FAS: variants seen among roughly 807,000 people sequenced by gnomAD.
The protein encoded by FAS is tumor necrosis factor receptor superfamily member 6.
In FAS, 5 loss-of-function variants were observed where a neutral mutation model predicts 33.2. That is an observed-to-expected ratio of 0.15 (90% CI 0.08 to 0.32). The LOEUF (loss-of-function observed/expected upper bound fraction) is 0.32, where lower values mean the gene tolerates loss of function less well. FAS is among the 10% of genes least tolerant of loss of function. The pLI is 1.00. For missense variants in FAS, 339 were observed against 386.0 expected (o/e 0.88, Z 1.02); for synonymous variants, 131 against 130.7 (o/e 1.00, Z -0.01).
In FAS at chr10:88,990,946, T is replaced by C. The variant is rs371701570; in HGVS notation, c.30+40T>C. The C allele has an allele frequency of 4.5e-5, 73 of 1,613,854 alleles. No homozygotes were observed. Among genetic ancestry groups the C allele is most frequent in the Non-Finnish European group, 5.9e-5 (70 of 1,179,884 alleles). ...GCCCGGGTGGAGGCTTACCCCGTCT[T>C]AGTCCCGGGGATAGGCAAAGTGGGG... is the stretch of plus-strand genomic sequence containing the variant. On this transcript the variant is annotated intron_variant, in intron 1 of 8. Coordinates refer to ENST00000652046, the MANE Select transcript of FAS (RefSeq NM_000043.6). This position sits in a 1 kb window ranked among gnomAD's most constrained non-coding sequence, Gnocchi z 4.9.
intron 2 of FAS, among the ~76,000 whole-genome samples, chr10:88,977,605 T>G (rs1425614347): frequency 6.8e-6 from 1 of 147,416 alleles, no homozygotes; most frequent in East Asian, 2.0e-4. Context: ...AACAGACACT[T>G]CTCAAAAGAA....
chr10:88,969,576 CT>C (rs914385695), intron 1 of FAS, among the ~76,000 whole-genome samples: 14 of 148,996 alleles, frequency 9.4e-5, no homozygotes, highest in Admixed American at 5.4e-4. Flanking sequence ...ATCAAGATCA[CT>C]TTTTTTTTTG....
At chr10:89,007,668 T>A in intron 2 of FAS, 32 bp from the exon 3 acceptor site, 1 of 1,612,488 alleles carries the variant, frequency 6.2e-7, no homozygotes, top group Non-Finnish European at 8.5e-7. Context: ...CCGTGTCCTG[T>A]TCAAACACTT....
chr10:88,968,394 C>T (rs1015093885), intron 1 of FAS, among the ~76,000 whole-genome samples: 23 of 104,468 alleles, frequency 2.2e-4, no homozygotes, highest in Admixed American at 7.8e-4. Context: ...GGGTTTAAAA[C>T]TCATAATGGA....
intron 1 of FAS, among the ~76,000 whole-genome samples, chr10:89,000,546 G>T (rs1191407128): frequency 6.6e-6 from 1 of 152,178 alleles, no homozygotes; most frequent in Non-Finnish European, 1.5e-5. Flanking sequence ...ATTTCTGTGT[G>T]TTAAAAGATA....
chr10:88,990,990 G>C lies in FAS; in HGVS notation c.30+84G>C. On this transcript the variant is annotated intron_variant, in intron 1 of 8. Coordinates refer to ENST00000652046, the MANE Select transcript of FAS (RefSeq NM_000043.6). This position sits in a 1 kb window ranked among gnomAD's most constrained non-coding sequence, Gnocchi z 4.9. Reference sequence around the variant, plus strand: ...AGTGGGGCGGGCGCGGGACGCGTGCGGGATTGCGGCGGCAGCGGCGCACGC... The same window carrying C: ...AGTGGGGCGGGCGCGGGACGCGTGCCGGATTGCGGCGGCAGCGGCGCACGC... 2 of 1,596,086 alleles carry C rather than the reference G, an allele frequency of 1.3e-6. No individual in the cohort carries two copies. The highest frequency in any genetic ancestry group is 1.7e-6 in the Non-Finnish European group (2 of 1,165,530).
intron 2 of FAS, among the ~76,000 whole-genome samples, chr10:89,004,708 T>C (rs1007436827): frequency 5.3e-5 from 8 of 152,204 alleles, no homozygotes; most frequent in Non-Finnish European, 1.0e-4. Context: ...TGTTTTCTGA[T>C]ATATTTCTAA....
chr10:88,980,409 G>A (rs1846682374), intron 2 of FAS, among the ~76,000 whole-genome samples: 2 of 152,128 alleles, frequency 1.3e-5, no homozygotes, highest in South Asian at 2.1e-4. Flanking sequence ...CAACAGCCAG[G>A]GATAAATAAG....
chr10:89,005,072 G>T (rs990669419), intron 2 of FAS, among the ~76,000 whole-genome samples: 5 of 151,646 alleles, frequency 3.3e-5, no homozygotes, highest in Middle Eastern at 3.2e-3. Context: ...GATGAATTTT[G>T]TGAGGGAAAA....
upstream of FAS, among the ~76,000 whole-genome samples, chr10:88,983,609 C>CAAAAAAAAAAAAAAAAAAAA (rs71022549): frequency 2.2e-5 from 1 of 46,430 alleles, no homozygotes; most frequent in Non-Finnish European, 3.6e-5. Context: ...ACAGGTTATG[C>CAAAAAAAAAAAAAAAAAAAA]AAAAAAAAAA....
intron 7 of FAS, 145 bp from the exon 8 acceptor site, chr10:89,013,198 C>A: frequency 2.7e-6 from 2 of 727,380 alleles, no homozygotes; most frequent in Non-Finnish European, 4.4e-6. Context: ...CCTTCTTAAT[C>A]ACTTAATCTA....
upstream of FAS, among the ~76,000 whole-genome samples, chr10:88,984,052 C>G (rs1346207332): frequency 2.0e-5 from 3 of 152,152 alleles, no homozygotes; most frequent in Non-Finnish European, 4.4e-5. Context: ...CCTCTTCCTA[C>G]CTCAGGTGAG....
At chr10:88,979,890 G>T (rs2133345171) in intron 2 of FAS, among the ~76,000 whole-genome samples, 1 of 151,464 alleles carries the variant, frequency 6.6e-6, no homozygotes, top group Middle Eastern at 3.4e-3. Context: ...ACCTACAAAG[G>T]CTTTGGGGTA....
At position 89,014,645 on chromosome 10, in the gene FAS, A is replaced by C. The variant is rs1267271677; in HGVS notation, c.*195A>C. 10 of 717,148 alleles carry C rather than the reference A, an allele frequency of 1.4e-5. No individual in the cohort carries two copies. Among genetic ancestry groups the C allele is most frequent in the Non-Finnish European group, 2.5e-5 (10 of 403,416 alleles). The allele number at this position is 717,148 out of a possible 1,614,324, so 44.4% of individuals were successfully genotyped here. A position where few individuals can be genotyped will look rare whatever the true frequency, so the allele number is the denominator to read the frequency against. On this transcript the variant is annotated 3_prime_UTR_variant, in exon 9 of 9. Coordinates refer to ENST00000652046, the MANE Select transcript of FAS (RefSeq NM_000043.6). Reference sequence around the variant, plus strand: ...AAGGATGTTTAAAATCTAGTTGGGAAAACAAACTTCATCAAGAGTAAATGC... The same window carrying C: ...AAGGATGTTTAAAATCTAGTTGGGACAACAAACTTCATCAAGAGTAAATGC...
intron 2 of FAS, chr10:88,974,062 A>C (rs906169891): frequency 3.3e-5 from 5 of 152,246 alleles, no homozygotes; most frequent in Non-Finnish European, 7.3e-5. Context: ...TGGACCTCTC[A>C]AAGTGCTGGG....
rs1589496449 is a variant in FAS at position 89,016,199 on chromosome 10, T to C, written c.*1749T>C. ...TAATATATTCTATTTAACCCATGAG[T>C]CCCAAAGTATTAGCATTTCAACATG... is the stretch of plus-strand genomic sequence containing the variant. On this transcript the variant is annotated 3_prime_UTR_variant, in exon 9 of 9. Coordinates refer to ENST00000652046, the MANE Select transcript of FAS (RefSeq NM_000043.6). 4.6e-6 allele frequency: 1 copy of C among 217,036 alleles called. No homozygotes were observed. The highest frequency in any genetic ancestry group is 2.2e-5 in the African/African-American group (1 of 44,468). The allele number at this position is 217,036 out of a possible 1,614,324, so 13.4% of individuals were successfully genotyped here.
At chr10:88,992,780 T>C (rs1443513394) in intron 1 of FAS, among the ~76,000 whole-genome samples, 1 of 152,204 alleles carries the variant, frequency 6.6e-6, no homozygotes, top group African/African-American at 2.4e-5. Flanking sequence ...AATATGACTC[T>C]TTTAAATTTA....
chr10:88,988,443 TATCTTAACTCTTCCTG>T (rs1564666954), upstream of FAS, among the ~76,000 whole-genome samples: 8 of 142,350 alleles, frequency 5.6e-5, no homozygotes, highest in Non-Finnish European at 1.1e-4. Flanking sequence ...TTTTGTTTTT[TATCTTAACTCTTCCTG>T]TTTTTTTACA....
At chr10:89,002,767 G>A in intron 1 of FAS, 2 of 466,598 alleles carry the variant, frequency 4.3e-6, no homozygotes, top group Admixed American at 3.4e-5. Context: ...GGCAGTAAGT[G>A]GGAGGCCCTG....
Sources: allele counts gnomAD v4.1 joint callset (sites outside exome capture counted in the v4.1 genomes callset), GRCh38; gene constraint gnomAD v4.1.1; non-coding constraint Gnocchi (gnomAD v3.1); transcripts MANE v1.5; gene names NCBI Gene and HGNC (gene_info 2026-07-23, HGNC 2026-07-21).